The following IMPG1 variants were observed in gnomAD, a reference collection of about 807,000 sequenced individuals.
The protein encoded by IMPG1 is interphotoreceptor matrix proteoglycan 1, also known as interphotoreceptor matrix proteoglycan of 150 kDa.
IMPG1 carries 85 observed loss-of-function variants against 92.0 expected under a neutral mutation model. That is an observed-to-expected ratio of 0.92 (90% confidence interval 0.78 to 1.11). The LOEUF (loss-of-function observed/expected upper bound fraction) is 1.11. IMPG1 is among the 50% of genes least tolerant of loss of function. The probability of loss-of-function intolerance (pLI) is 0.00; values close to 1 mark genes in which losing one functional copy is unlikely to be tolerated. For missense variants in IMPG1, 1,022 were observed against 956.0 expected, an observed-to-expected ratio of 1.07 and a Z score of -0.91; for synonymous variants, 367 against 334.1, an observed-to-expected ratio of 1.10 and a Z score of -1.08.
intron 1 of IMPG1, among the ~76,000 whole-genome samples, chr6:76,063,791 C>G (rs1411689814): frequency 2.0e-5 from 3 of 152,212 alleles, no homozygotes; most frequent in Non-Finnish European, 2.9e-5. Flanking sequence ...TGCAGTATTC[C>G]TCTTGTTCCA....
chr6:76,030,964 C>T (rs36007009), intron 4 of IMPG1, among the ~76,000 whole-genome samples: 4,095 of 152,126 alleles, frequency 0.027, 88 homozygotes, highest in Middle Eastern at 0.044. Context: ...TCGTTTGGTG[C>T]GGAACCTGGG....
At chr6:76,027,498 T>G (rs1413621782) in intron 4 of IMPG1, among the ~76,000 whole-genome samples, 1 of 152,212 alleles carries the variant, frequency 6.6e-6, no homozygotes, top group Admixed American at 6.5e-5. Flanking sequence ...TAGTAAAATG[T>G]GTTTTTATAG....
At chr6:76,036,653 C>T (rs921452367) in intron 2 of IMPG1, among the ~76,000 whole-genome samples, 2 of 152,084 alleles carry the variant, frequency 1.3e-5, no homozygotes, top group African/African-American at 2.4e-5. Flanking sequence ...ACATAAATTA[C>T]ATTAAAATGA....
intron 12 of IMPG1, among the ~76,000 whole-genome samples, chr6:75,966,265 A>G (rs1479255888): frequency 1.3e-5 from 2 of 152,172 alleles, no homozygotes; most frequent in Non-Finnish European, 1.5e-5. Context: ...TTTATTTATT[A>G]AAAAACATTA....
chr6:75,954,809 CCAGTTT>C (rs1439177417), intron 12 of IMPG1, among the ~76,000 whole-genome samples: 2 of 152,058 alleles, frequency 1.3e-5, no homozygotes, highest in African/African-American at 4.8e-5. Flanking sequence ...AAAAAGGGGT[CCAGTTT>C]CAGTCTTCTG....
chr6:76,071,209 TATA>T lies in IMPG1; in HGVS notation c.67+1210_67+1212del, dbSNP rs902389945. Among the ~76,000 whole-genome samples the T allele has an allele frequency of 1.3e-4, 20 of 148,688 alleles. No individual in the cohort carries two copies. In the South Asian group the frequency reaches 3.8e-3, roughly 28 times the overall value. ...ATATAATTATATATTTGGAATTGTG[TATA>T]ATAGCTGATATGCAATATATGAAAA... is the stretch of plus-strand genomic sequence containing the variant. On this transcript the variant is annotated intron_variant, in intron 1 of 16. Transcript: ENST00000369950.
chr6:75,931,751 AT>A (rs1321616455), intron 14 of IMPG1, among the ~76,000 whole-genome samples: 12 of 152,204 alleles, frequency 7.9e-5, no homozygotes, highest in African/African-American at 2.9e-4. Flanking sequence ...CCCTATTAAC[AT>A]TTAGACTCAC....
intron 1 of IMPG1, among the ~76,000 whole-genome samples, chr6:76,070,473 C>T (rs973955714): frequency 1.5e-4 from 23 of 151,986 alleles, no homozygotes; most frequent in Non-Finnish European, 2.9e-4. Context: ...GGGTATCTAC[C>T]CAAAGGAAAA....
chr6:76,017,310 C>A (rs1783308117), intron 7 of IMPG1, among the ~76,000 whole-genome samples: 1 of 151,918 alleles, frequency 6.6e-6, no homozygotes, highest in African/African-American at 2.4e-5. Flanking sequence ...TAGAGACAGA[C>A]AGATATAACA....
chr6:75,924,667 A>ATATTATATATAATATATAATT (rs376659354), intron 15 of IMPG1, among the ~76,000 whole-genome samples: 1 of 7,996 alleles, frequency 1.3e-4, no homozygotes, highest in Non-Finnish European at 2.2e-4. Context: ...AATATATAAT[A>ATATTATATATAATATATAATT]AATTATATAT....
chr6:75,926,847 G>T (rs1781562114), intron 15 of IMPG1, among the ~76,000 whole-genome samples: 1 of 152,106 alleles, frequency 6.6e-6, no homozygotes, highest in Admixed American at 6.5e-5. Flanking sequence ...TGGAGGAAAA[G>T]AATAGAAGGA....
chr6:75,957,643 C>A (rs1029557697), intron 12 of IMPG1, among the ~76,000 whole-genome samples: 1 of 152,188 alleles, frequency 6.6e-6, no homozygotes, highest in African/African-American at 2.4e-5. Context: ...TTGCATTGAT[C>A]TCTTTGCCAT....
At chr6:75,952,473 G>A (rs1477817673) in intron 12 of IMPG1, among the ~76,000 whole-genome samples, 1 of 152,146 alleles carries the variant, frequency 6.6e-6, no homozygotes, top group African/African-American at 2.4e-5. Flanking sequence ...GGTGAGTTAT[G>A]CCAGATTTCA....
chr6:76,038,382 A>G (rs1220701511), intron 2 of IMPG1, among the ~76,000 whole-genome samples: 1 of 152,134 alleles, frequency 6.6e-6, no homozygotes, highest in Non-Finnish European at 1.5e-5. Flanking sequence ...TAAGGATGAA[A>G]TCTCAGACTC....
chr6:76,040,145 T>C (rs569287368), intron 2 of IMPG1, among the ~76,000 whole-genome samples: 1 of 152,166 alleles, frequency 6.6e-6, no homozygotes, highest in Non-Finnish European at 1.5e-5. Flanking sequence ...GGGGCAGCCA[T>C]AAAGATAATG....
At chr6:75,950,031 A>G (rs889139956) in intron 13 of IMPG1, among the ~76,000 whole-genome samples, 1 of 152,186 alleles carries the variant, frequency 6.6e-6, no homozygotes, top group Non-Finnish European at 1.5e-5. Context: ...TATCAAAGAT[A>G]TATGTCATAA....
intron 12 of IMPG1, among the ~76,000 whole-genome samples, chr6:75,958,955 A>T (rs1409967829): frequency 1.3e-5 from 2 of 152,078 alleles, no homozygotes; most frequent in Non-Finnish European, 2.9e-5. Context: ...GAGAATAGGC[A>T]TTCTGATTTT....
At chr6:76,055,892 C>T (rs925334687) in intron 1 of IMPG1, among the ~76,000 whole-genome samples, 2 of 151,934 alleles carry the variant, frequency 1.3e-5, no homozygotes, top group Non-Finnish European at 2.9e-5. Flanking sequence ...TAAATATTAT[C>T]ATAACCTTAA....
chr6:76,063,637 T>C (rs1396437810), intron 1 of IMPG1, among the ~76,000 whole-genome samples: 2 of 152,192 alleles, frequency 1.3e-5, no homozygotes, highest in Non-Finnish European at 2.9e-5. Flanking sequence ...CAGGCACGAT[T>C]CTTGGGCTGC....
Sources: allele counts gnomAD v4.1 joint callset (sites outside exome capture counted in the v4.1 genomes callset), GRCh38; gene constraint gnomAD v4.1.1; transcripts MANE v1.5; gene names NCBI Gene and HGNC (gene_info 2026-07-23, HGNC 2026-07-21).